CHRM3: variants seen among roughly 807,000 people sequenced by gnomAD.
CHRM3 encodes muscarinic acetylcholine receptor M3.
Under a neutral mutation model 41.8 loss-of-function variants are expected in CHRM3, and 11 were observed. That is an observed-to-expected ratio of 0.26 (90% CI 0.17 to 0.44). CHRM3 has a LOEUF of 0.44. Ranked by LOEUF, CHRM3 falls within the 20% of genes least tolerant of loss-of-function variation. The pLI is 1.00. For synonymous variants in CHRM3, 297 were observed against 301.4 expected (o/e 0.99, Z 0.15); for missense variants, 571 against 745.4 (o/e 0.77, Z 2.72).
At chr1:239,633,932 A>G (rs1670156730) in intron 4 of CHRM3, among the ~76,000 whole-genome samples, 1 of 152,226 alleles carries the variant, frequency 6.6e-6, no homozygotes, top group Admixed American at 6.5e-5. Flanking sequence ...TCATATCTGG[A>G]TATCATGCTG....
At position 239,397,333 on chromosome 1, in the gene CHRM3, A is replaced by T. The variant is rs182700436; in HGVS notation, c.-521+10106A>T. Among the ~76,000 whole-genome samples the T allele has an allele frequency of 1.8e-4, 28 of 152,000 alleles. No individual in the cohort carries two copies. In the East Asian group the frequency reaches 5.0e-3, roughly 27 times the overall value. ...ATCTAACACACATATGTATAGGTAT[A>T]TTACTTTTTGTTCCATTAATGAATA... On this transcript the variant is annotated intron_variant, in intron 1 of 6. Coordinates refer to ENST00000676153, the MANE Select transcript of CHRM3 (RefSeq NM_001375978.1).
chr1:239,874,297 A>ATATATATATATATATACACAG lies in CHRM3; in HGVS notation c.-19-33120_-19-33119insCACAGTATATATATATATATA, dbSNP rs1558199025. ...ATCTATATACACAGTATATATATAT[A>ATATATATATATATATACACAG]TATATATATATATATATATATATAT... On this transcript the variant is annotated intron_variant, in intron 6 of 6. Transcript: ENST00000676153. 3.3e-4 allele frequency among the ~76,000 whole-genome samples: 30 copies of ATATATATATATATATACACAG among 92,198 alleles called. 1 individual carries two copies. The highest frequency in any genetic ancestry group is 1.4e-3 in the South Asian group (4 of 2,774). 60.5% of individuals were successfully genotyped at this position (92,198 alleles called of 152,430 possible). A position where few individuals can be genotyped will look rare whatever the true frequency, so the allele number is the denominator to read the frequency against.
At chr1:239,509,840 C>A (rs1558277349) in intron 2 of CHRM3, among the ~76,000 whole-genome samples, 1 of 152,168 alleles carries the variant, frequency 6.6e-6, no homozygotes, top group Admixed American at 6.5e-5. Context: ...GTAATCCCAG[C>A]ACTTTGGGAG....
chr1:239,663,671 A>G (rs1673486559), intron 4 of CHRM3, among the ~76,000 whole-genome samples: 2 of 152,340 alleles, frequency 1.3e-5, no homozygotes, highest in South Asian at 4.1e-4. Context: ...AACAGTGCCA[A>G]TGTCCTCGTA....
intron 6 of CHRM3, among the ~76,000 whole-genome samples, chr1:239,874,289 AT>A (rs1676866530): frequency 1.5e-5 from 1 of 66,870 alleles, no homozygotes; most frequent in East Asian, 4.1e-4. Flanking sequence ...TACACAGTAT[AT>A]ATATATATAT....
At chr1:239,590,965 C>G (rs1163520696) in intron 3 of CHRM3, among the ~76,000 whole-genome samples, 2 of 152,156 alleles carry the variant, frequency 1.3e-5, no homozygotes, top group Admixed American at 1.3e-4. Flanking sequence ...ACACAGTCTT[C>G]TAGATCTCAG....
At chr1:239,685,392 G>C (rs1659035096) in intron 5 of CHRM3, among the ~76,000 whole-genome samples, 1 of 152,118 alleles carries the variant, frequency 6.6e-6, no homozygotes, top group South Asian at 2.1e-4. Flanking sequence ...GCAATTCATT[G>C]GTTTTCTTAC....
At position 239,914,643 on chromosome 1, in the gene CHRM3, T is replaced by C. The variant is rs188338935; in HGVS notation, c.*5419T>C. Reference sequence around the variant, plus strand: ...CTTTTTATTGTATAAAACAGTAGAATTCATGGAAGGGATAATTCTTTTGGA... The same window carrying C: ...CTTTTTATTGTATAAAACAGTAGAACTCATGGAAGGGATAATTCTTTTGGA... On this transcript the variant is annotated 3_prime_UTR_variant, in exon 7 of 7. Transcript: ENST00000676153. The C allele has an allele frequency of 6.0e-6, 1 of 167,190 alleles. No individual in the cohort carries two copies. Among genetic ancestry groups the C allele is most frequent in the East Asian group, 1.9e-4 (1 of 5,182 alleles). 10.4% of individuals were successfully genotyped at this position (167,190 alleles called of 1,614,324 possible).
chr1:239,725,788 T>C (rs1297729950), intron 5 of CHRM3, among the ~76,000 whole-genome samples: 2 of 152,070 alleles, frequency 1.3e-5, no homozygotes, highest in Non-Finnish European at 2.9e-5. Flanking sequence ...AGCTACCTTC[T>C]TGGGTAGCTT....
At chr1:239,650,287 C>T (rs1672117541) in intron 4 of CHRM3, among the ~76,000 whole-genome samples, 1 of 152,188 alleles carries the variant, frequency 6.6e-6, no homozygotes, top group Admixed American at 6.5e-5. Flanking sequence ...AGTATAATAC[C>T]TGCTACATAT....
chr1:239,510,528 A>G (rs1403753999), intron 2 of CHRM3, among the ~76,000 whole-genome samples: 1 of 151,106 alleles, frequency 6.6e-6, no homozygotes. Flanking sequence ...AGCAGATACT[A>G]ACCCCTCAGA....
intron 6 of CHRM3, among the ~76,000 whole-genome samples, chr1:239,836,789 A>G (rs926114308): frequency 2.6e-5 from 4 of 152,208 alleles, no homozygotes; most frequent in Non-Finnish European, 5.9e-5. Flanking sequence ...CATCTGGACA[A>G]CATGGTGAAA....
chr1:239,801,784 C>T (rs1670236049), intron 5 of CHRM3, among the ~76,000 whole-genome samples: 1 of 152,162 alleles, frequency 6.6e-6, no homozygotes, highest in African/African-American at 2.4e-5. Context: ...TTCTCTACTT[C>T]TGTGCATTTT....
At chr1:239,651,247 A>C (rs1295442795) in intron 4 of CHRM3, among the ~76,000 whole-genome samples, 1 of 152,346 alleles carries the variant, frequency 6.6e-6, no homozygotes, top group East Asian at 1.9e-4. Context: ...ATTAGAGAAT[A>C]TCTTATATGA....
At chr1:239,629,163 G>A (rs1170264571) in intron 3 of CHRM3, 1 of 143,678 alleles carries the variant, frequency 7.0e-6, no homozygotes, top group African/African-American at 2.6e-5. Flanking sequence ...GACTCCGTGG[G>A]CGTAGGACCC....
chr1:239,869,679 G>C (rs1676411523), intron 6 of CHRM3, among the ~76,000 whole-genome samples: 2 of 152,044 alleles, frequency 1.3e-5, no homozygotes, highest in African/African-American at 4.8e-5. Context: ...CTTATAATGT[G>C]TACTTATTAC....
At chr1:239,643,546 C>T (rs951389213) in intron 4 of CHRM3, among the ~76,000 whole-genome samples, 3 of 152,208 alleles carry the variant, frequency 2.0e-5, no homozygotes, top group Non-Finnish European at 4.4e-5. Context: ...ATCAGCGAGA[C>T]TCCGTGGGCG....
At chr1:239,449,703 C>T (rs1057469978) in intron 1 of CHRM3, among the ~76,000 whole-genome samples, 12 of 151,458 alleles carry the variant, frequency 7.9e-5, no homozygotes. Flanking sequence ...ATTTTCTCAG[C>T]TTTCTATTTA....
chr1:239,533,135 A>G (rs1251635777), intron 2 of CHRM3, among the ~76,000 whole-genome samples: 1 of 151,964 alleles, frequency 6.6e-6, no homozygotes, highest in African/African-American at 2.4e-5. Context: ...ATAAATTTGT[A>G]TGTGAATACG....
Sources: allele counts gnomAD v4.1 joint callset (sites outside exome capture counted in the v4.1 genomes callset), GRCh38; gene constraint gnomAD v4.1.1; transcripts MANE v1.5; gene names NCBI Gene and HGNC (gene_info 2026-07-23, HGNC 2026-07-21).